The following DPP6 variants were observed in gnomAD, a reference collection of about 807,000 sequenced individuals.
DPP6 encodes dipeptidyl peptidase like 6.
In DPP6, 69 loss-of-function variants were observed where a neutral mutation model predicts 122.6. The ratio of observed to expected loss-of-function variants is 0.56; its 90% CI spans 0.46 to 0.69. The LOEUF (loss-of-function observed/expected upper bound fraction) is 0.69, where lower values mean the gene tolerates loss of function less well. Ranked by LOEUF, DPP6 falls within the 30% of genes least tolerant of loss-of-function variation. The probability of loss-of-function intolerance (pLI) is 0.00; values close to 1 mark genes in which losing one functional copy is unlikely to be tolerated. For synonymous variants in DPP6, 418 were observed against 433.1 expected, an observed-to-expected ratio of 0.97 and a Z score of 0.43; for missense variants, 928 against 1,116.9, an observed-to-expected ratio of 0.83 and a Z score of 2.41.
intron 6 of DPP6, among the ~76,000 whole-genome samples, chr7:154,645,255 C>CG: frequency 6.6e-6 from 1 of 151,678 alleles, no homozygotes; most frequent in Non-Finnish European, 1.5e-5. Context: ...TTAGTAGAGA[C>CG]GGGGTTTCAC....
intron 1 of DPP6, among the ~76,000 whole-genome samples, chr7:153,945,924 A>C (rs956120566): frequency 6.6e-6 from 1 of 152,180 alleles, no homozygotes; most frequent in African/African-American, 2.4e-5. Context: ...CAGTTGATCA[A>C]ATTCCTAAGT....
At chr7:154,873,903 CACAT>C (rs1449185632) in intron 19 of DPP6, among the ~76,000 whole-genome samples, 1 of 150,696 alleles carries the variant, frequency 6.6e-6, no homozygotes, top group East Asian at 1.9e-4. Context: ...CGCACCCACA[CACAT>C]AGGCACACAC....
chr7:153,805,389 G>A, the DPP6 span, among the ~76,000 whole-genome samples: 1 of 152,218 alleles, frequency 6.6e-6, no homozygotes, highest in Non-Finnish European at 1.5e-5. Context: ...CTCTTAGAAT[G>A]CATCCAAGTC....
At chr7:154,112,882 G>A (rs1806697061) in intron 1 of DPP6, among the ~76,000 whole-genome samples, 1 of 152,082 alleles carries the variant, frequency 6.6e-6, no homozygotes, top group African/African-American at 2.4e-5. Flanking sequence ...CCCATGGAAC[G>A]CCTCCCATTT....
rs143260795 is a variant in DPP6 at position 154,102,911 on chromosome 7, A to G, written c.243+49848A>G. ...GGAATACTAATCAGTGTCATGTTCCACTCAACATGTGATCGGATTTTGAGA... is the reference window on the plus strand; with the variant it reads ...GGAATACTAATCAGTGTCATGTTCCGCTCAACATGTGATCGGATTTTGAGA... On this transcript the variant is annotated intron_variant, in intron 1 of 25. Coordinates refer to ENST00000377770, the MANE Select transcript of DPP6 (RefSeq NM_130797.4). 6.3e-3 allele frequency among the ~76,000 whole-genome samples: 951 copies of G among 152,154 alleles called. 14 individuals carry two copies. Among genetic ancestry groups the G allele is most frequent in the African/African-American group, 0.022 (915 of 41,462 alleles).
chr7:153,942,984 G>A (rs1201434364), intron 1 of DPP6, among the ~76,000 whole-genome samples: 1 of 152,220 alleles, frequency 6.6e-6, no homozygotes, highest in African/African-American at 2.4e-5. Flanking sequence ...CTAATGGTCA[G>A]CTGGCCCCAG....
chr7:153,848,967 T>C, the DPP6 span, among the ~76,000 whole-genome samples: 1 of 152,210 alleles, frequency 6.6e-6, no homozygotes, highest in Admixed American at 6.5e-5. Flanking sequence ...TTAGGTCTAA[T>C]ACATAAAAGG....
chr7:154,076,035 C>T lies in DPP6; in HGVS notation c.243+22972C>T, dbSNP rs573673249. ...ACTTATAATCCAGTTATCTGTCCTTCAGCGTGTCACTGCTCAGGTCCTGCT... is the reference window on the plus strand; with the variant it reads ...ACTTATAATCCAGTTATCTGTCCTTTAGCGTGTCACTGCTCAGGTCCTGCT... On this transcript the variant is annotated intron_variant, in intron 1 of 25. Coordinates refer to ENST00000377770, the MANE Select transcript of DPP6 (RefSeq NM_130797.4). Among the ~76,000 whole-genome samples, 23 of 151,542 alleles carry T rather than the reference C, an allele frequency of 1.5e-4. No individual in the cohort carries two copies. The East Asian group carries it at 1.6e-3, about 10-fold the overall frequency.
chr7:153,963,827 C>A (rs7804037), intron 1 of DPP6, among the ~76,000 whole-genome samples: 8,460 of 152,228 alleles, frequency 0.056, 808 homozygotes, highest in African/African-American at 0.19. Context: ...AAACCAGCCC[C>A]TGGTGCCAGA....
intron 1 of DPP6, among the ~76,000 whole-genome samples, chr7:154,301,315 T>G (rs1436125348): frequency 6.6e-6 from 1 of 152,224 alleles, no homozygotes; most frequent in Non-Finnish European, 1.5e-5. Flanking sequence ...GCACCTCTTC[T>G]GTGCAAGGCG....
At chr7:154,065,003 T>A (rs1304771880) in intron 1 of DPP6, among the ~76,000 whole-genome samples, 1 of 152,044 alleles carries the variant, frequency 6.6e-6, no homozygotes, top group African/African-American at 2.4e-5. Context: ...AATGCACCCC[T>A]CCTTTCAGGT....
At chr7:154,199,869 A>G (rs150405753) in intron 1 of DPP6, among the ~76,000 whole-genome samples, 9,555 of 152,116 alleles carry the variant, frequency 0.063, 1,005 homozygotes, top group African/African-American at 0.22. Context: ...CAGCCTCCCA[A>G]AGTGCTGGGA....
At chr7:154,776,199 T>TAATAGATAGATA (rs1554463870) in intron 10 of DPP6, among the ~76,000 whole-genome samples, 5 of 148,560 alleles carry the variant, frequency 3.4e-5, no homozygotes, top group Non-Finnish European at 7.4e-5. Flanking sequence ...CCATGATAGA[T>TAATAGATAGATA]GATAGATAGA....
intron 1 of DPP6, among the ~76,000 whole-genome samples, chr7:154,269,118 G>C (rs1803625915): frequency 6.6e-6 from 1 of 150,538 alleles, no homozygotes; most frequent in South Asian, 2.1e-4. Flanking sequence ...TATCCCATGT[G>C]ATCCAAAAGA....
intron 2 of DPP6, among the ~76,000 whole-genome samples, chr7:154,463,938 A>G (rs1280314584): frequency 6.6e-6 from 1 of 152,148 alleles, no homozygotes; most frequent in Admixed American, 6.6e-5. Flanking sequence ...GAGGTGATGC[A>G]AGCACTCCCT....
At chr7:154,085,669 G>A (rs1230633636) in intron 1 of DPP6, among the ~76,000 whole-genome samples, 3 of 152,022 alleles carry the variant, frequency 2.0e-5, no homozygotes, top group Non-Finnish European at 2.9e-5. Context: ...TAAAAAAGAA[G>A]CCATGGCTTT....
At chr7:153,870,603 C>T in the DPP6 span, among the ~76,000 whole-genome samples, 1 of 152,180 alleles carries the variant, frequency 6.6e-6, no homozygotes, top group Non-Finnish European at 1.5e-5. Context: ...AAACTTCCTC[C>T]TTTAGCTCAG....
intron 5 of DPP6, chr7:154,588,681 T>C (rs1003688233): frequency 7.4e-5 from 11 of 149,528 alleles, no homozygotes; most frequent in African/African-American, 2.4e-4. Context: ...TAAAAAAAGG[T>C]TTTATTAATT....
intron 8 of DPP6, among the ~76,000 whole-genome samples, chr7:154,744,751 C>T (rs1326797836): frequency 6.6e-6 from 1 of 152,158 alleles, no homozygotes; most frequent in African/African-American, 2.4e-5. Context: ...CCACGTATTT[C>T]GGAGCACAGA....
Sources: gnomAD v4.1 joint callset for allele counts (sites outside exome capture counted in the v4.1 genomes callset) on GRCh38, gnomAD v4.1.1 for gene constraint, MANE v1.5 for transcripts, NCBI Gene and HGNC (gene_info 2026-07-23, HGNC 2026-07-21) for gene names.